The following ITGBL1 variants were observed in gnomAD, a reference collection of about 807,000 sequenced individuals.
ITGBL1 encodes the protein integrin beta-like protein 1.
Under a neutral mutation model 68.5 loss-of-function variants are expected in ITGBL1, and 51 were observed. The ratio of observed to expected loss-of-function variants is 0.74; its 90% confidence interval spans 0.59 to 0.94. The LOEUF is 0.94. Ranked by LOEUF, ITGBL1 falls within the 40% of genes least tolerant of loss-of-function variation. ITGBL1 has a pLI of 0.00. For missense variants in ITGBL1, 649 were observed against 647.4 expected (o/e 1.00, Z -0.03); for synonymous variants, 209 against 227.3 (o/e 0.92, Z 0.72).
At chr13:101,596,711 T>A (rs1027461705) in intron 6 of ITGBL1, among the ~76,000 whole-genome samples, 1 of 152,106 alleles carries the variant, frequency 6.6e-6, no homozygotes, top group Non-Finnish European at 1.5e-5. Context: ...ATGGTTAATT[T>A]AAAAAAATCC....
In ITGBL1 at chr13:101,633,152, C is replaced by T. The variant is rs139789809; in HGVS notation, c.1015+34853C>T. Reference sequence around the variant, plus strand: ...TTCAAAGAGTACATGGATATCAGAGCGTGGTGAAGCCTGCCCTTTCAGGCA... The same window carrying T: ...TTCAAAGAGTACATGGATATCAGAGTGTGGTGAAGCCTGCCCTTTCAGGCA... On this transcript the variant is annotated intron_variant, in intron 7 of 10. Coordinates refer to ENST00000376180, the MANE Select transcript of ITGBL1 (RefSeq NM_004791.3). 1.2e-4 allele frequency among the ~76,000 whole-genome samples: 18 copies of T among 152,274 alleles called. No individual in the cohort carries two copies. In the South Asian group the frequency reaches 2.9e-3, roughly 25 times the overall value.
intron 7 of ITGBL1, among the ~76,000 whole-genome samples, chr13:101,689,247 T>G (rs2033829370): frequency 2.2e-5 from 2 of 90,736 alleles, no homozygotes; most frequent in African/African-American, 7.3e-5. Context: ...TGAGGACACA[T>G]AAGAAGCATA....
chr13:101,502,486 A>G (rs1249380868), intron 2 of ITGBL1, among the ~76,000 whole-genome samples: 1 of 152,150 alleles, frequency 6.6e-6, no homozygotes, highest in African/African-American at 2.4e-5. Flanking sequence ...TTCCATCTGA[A>G]AGATTCAGAA....
At chr13:101,689,211 T>TAAAAAAAAAAAAAAAAAAACAAA (rs2033825606) in intron 7 of ITGBL1, among the ~76,000 whole-genome samples, 1 of 74,868 alleles carries the variant, frequency 1.3e-5, no homozygotes, top group African/African-American at 4.7e-5. Context: ...AGACTCTGCC[T>TAAAAAAAAAAAAAAAAAAACAAA]AAAAAAAAAA....
At chr13:101,543,523 A>C (rs1420804828) in intron 2 of ITGBL1, among the ~76,000 whole-genome samples, 2 of 151,898 alleles carry the variant, frequency 1.3e-5, no homozygotes, top group African/African-American at 2.4e-5. Flanking sequence ...GGTGAATCTG[A>C]CAATTATGTG....
At chr13:101,537,097 C>G (rs1478412692) in intron 2 of ITGBL1, among the ~76,000 whole-genome samples, 1 of 151,944 alleles carries the variant, frequency 6.6e-6, no homozygotes, top group African/African-American at 2.4e-5. Context: ...ATAGAGGTGA[C>G]AAGGTTAAAG....
At chr13:101,575,400 G>T (rs1339741195) in intron 3 of ITGBL1, 24 bp from the exon 4 acceptor site, 1 of 1,604,842 alleles carries the variant, frequency 6.2e-7, no homozygotes, top group Non-Finnish European at 8.5e-7. Context: ...GTAACAAACA[G>T]TCTTTTTTGT....
At chr13:101,718,738 A>ATCTC (rs2034814808), downstream of ITGBL1, 1 of 151,920 alleles carries the variant, frequency 6.6e-6, no homozygotes, top group Admixed American at 6.6e-5. Context: ...TGCAAACACA[A>ATCTC]TCTCTGCCAG....
intron 2 of ITGBL1, among the ~76,000 whole-genome samples, chr13:101,521,611 G>A (rs61976160): frequency 1.2e-3 from 181 of 152,074 alleles, no homozygotes; most frequent in Admixed American, 2.9e-3. Context: ...ATGCCATGGA[G>A]TCTCATCGAA....
At chr13:101,521,705 A>G (rs2049287827) in intron 2 of ITGBL1, among the ~76,000 whole-genome samples, 1 of 152,198 alleles carries the variant, frequency 6.6e-6, no homozygotes. Flanking sequence ...TGATTCCCAC[A>G]GGAGTGCCGA....
At chr13:101,452,983 G>A (rs1566680885) in intron 1 of ITGBL1, 52 bp downstream of exon 1, 1 of 1,475,120 alleles carries the variant, frequency 6.8e-7, no homozygotes, top group South Asian at 1.1e-5. Flanking sequence ...TTATGTGGCA[G>A]GGCTCAAGCT....
At chr13:101,522,681 G>A (rs555884437) in intron 2 of ITGBL1, among the ~76,000 whole-genome samples, 57 of 152,290 alleles carry the variant, frequency 3.7e-4, no homozygotes, top group African/African-American at 1.3e-3. Flanking sequence ...TGTCTACAAT[G>A]TGCCTGTATC....
chr13:101,471,532 ATGTGTGTGTGTGTGTGTGTGTGTG>A (rs150659546), intron 2 of ITGBL1, among the ~76,000 whole-genome samples: 1 of 110,448 alleles, frequency 9.1e-6, no homozygotes, highest in African/African-American at 3.1e-5. Flanking sequence ...GTGTGTATGT[ATGTGTGTGTGTGTGTGTGTGTGTG>A]TGTGTGTGTG....
intron 2 of ITGBL1, among the ~76,000 whole-genome samples, chr13:101,487,657 G>A (rs755046113): frequency 1.3e-4 from 20 of 152,218 alleles, no homozygotes; most frequent in East Asian, 5.8e-4. Context: ...CCCCTTTTCC[G>A]AAGTGCATTC....
At chr13:101,581,422 T>G (rs2050456094) in intron 5 of ITGBL1, among the ~76,000 whole-genome samples, 1 of 152,200 alleles carries the variant, frequency 6.6e-6, no homozygotes. Context: ...TGTAACCTCC[T>G]TTTACATTTT....
rs754090600 is a variant in ITGBL1, at chr13:101,714,459, G to A, written c.1301G>A (p.Cys434Tyr). 1.4e-5 allele frequency: 22 copies of A among 1,608,382 alleles called. No individual in the cohort carries two copies. In the Admixed American group the frequency reaches 2.3e-4, roughly 17 times the overall value. Residue 434 changes from cysteine (C) to tyrosine (Y), a missense_variant, in exon 10 of 11, where the codon TGC (cysteine) becomes TAC (tyrosine). Transcript: ENST00000376180. ...TCAGGTTCTTGTCATTGTGGGAAGT[G>A]CATTTGTTCTGCTGAAGAGTGGTAT... The part of the protein sequence containing the change: ...SGKGSCHCGK[C>Y]ICSAEEWYIS...
chr13:101,495,278 A>G (rs2048840067), intron 2 of ITGBL1, among the ~76,000 whole-genome samples: 1 of 152,198 alleles, frequency 6.6e-6, no homozygotes, highest in Non-Finnish European at 1.5e-5. Context: ...CTGATGTGGA[A>G]GTGATGGAAA....
intron 7 of ITGBL1, among the ~76,000 whole-genome samples, chr13:101,637,798 A>G (rs1161755939): frequency 2.0e-5 from 3 of 152,190 alleles, no homozygotes; most frequent in Non-Finnish European, 2.9e-5. Context: ...AGTCTGCAGT[A>G]CACTTTCACA....
At chr13:101,668,438 ATT>A (rs1464050170) in intron 7 of ITGBL1, among the ~76,000 whole-genome samples, 6 of 152,130 alleles carry the variant, frequency 3.9e-5, no homozygotes, top group Non-Finnish European at 7.4e-5. Flanking sequence ...AGCAAAATAG[ATT>A]TTGTTTGTGT....
Sources: allele counts gnomAD v4.1 joint callset (sites outside exome capture counted in the v4.1 genomes callset), GRCh38; gene constraint gnomAD v4.1.1; transcripts MANE v1.5; gene names NCBI Gene and HGNC (gene_info 2026-07-23, HGNC 2026-07-21).